The following CCDC32 variants were observed in gnomAD, a reference collection of about 807,000 sequenced individuals.
CCDC32 encodes coiled-coil domain-containing protein 32.
Under a neutral mutation model 20.1 loss-of-function variants are expected in CCDC32, and 9 were observed. That is an observed-to-expected ratio of 0.45 (90% CI 0.27 to 0.78). The LOEUF (loss-of-function observed/expected upper bound fraction) is 0.78, where lower values mean the gene tolerates loss of function less well. Among genes scored for constraint, CCDC32 ranks in the 30% least tolerant of loss-of-function variants. The pLI is 0.16. For missense variants in CCDC32, 204 were observed against 215.5 expected, an observed-to-expected ratio of 0.95 and a Z score of 0.33; for synonymous variants, 63 against 79.0, an observed-to-expected ratio of 0.80 and a Z score of 1.07.
At position 40,553,269 on chromosome 15, in the gene CCDC32, C is replaced by T. The variant is rs1247830620; in HGVS notation, c.*702G>A. On this transcript the variant is annotated 3_prime_UTR_variant, in exon 4 of 4. Transcript: ENST00000416810. ...TTACAAGTCTAATTTGGAACCTGGC[C>T]CTTTTTAAGTGCAGGAGGAAGTTGG... 4.1e-6 allele frequency: 4 copies of T among 985,240 alleles called. No individual in the cohort carries two copies. The highest frequency in any genetic ancestry group is 4.8e-6 in the Non-Finnish European group (4 of 829,930). The allele number at this position is 985,240 out of a possible 1,614,324, so 61.0% of individuals were successfully genotyped here. A position where few individuals can be genotyped will look rare whatever the true frequency, so the allele number is the denominator to read the frequency against.
rs527377715 is a variant in CCDC32, at chr15:40,546,193, C to CT, written c.402-6839dup. Among the ~76,000 whole-genome samples the CT allele has an allele frequency of 3.0e-3, 419 of 141,568 alleles. 2 individuals are homozygous for CT. Among genetic ancestry groups the CT allele is most frequent in the African/African-American group, 3.7e-3 (141 of 38,562 alleles). The allele number at this position is 141,568 out of a possible 152,430, so 92.9% of individuals were successfully genotyped here. A position where few individuals can be genotyped will look rare whatever the true frequency, so the allele number is the denominator to read the frequency against. On this transcript the variant is annotated intron_variant, in intron 3 of 3. Coordinates refer to the CCDC32 transcript ENST00000558113. ...TGACTTTATTTTTTCTTTTTCTTTCCTTTTTTTTTTTTTTCTGAGATAGGG... is the reference window on the plus strand; with the variant it reads ...TGACTTTATTTTTTCTTTTTCTTTCCTTTTTTTTTTTTTTTCTGAGATAGGG...
chr15:40,564,976 C>A lies in CCDC32; in HGVS notation c.-13G>T. The A allele has an allele frequency of 1.6e-6, 1 of 622,162 alleles. No individual in the cohort carries two copies. Among genetic ancestry groups the A allele is most frequent in the South Asian group, 2.0e-5 (1 of 50,442 alleles). 38.5% of individuals were successfully genotyped at this position (622,162 alleles called of 1,614,324 possible). A position where few individuals can be genotyped will look rare whatever the true frequency, so the allele number is the denominator to read the frequency against. On this transcript the variant is annotated splice_region_variant and 5_prime_UTR_variant, in exon 1 of 4. Transcript: ENST00000416810. ...GGCACCCCAGCCCCTCCTCACTTAC[C>A]GTAACAGCTGCCCAGTAAACGCTTG...
downstream of CCDC32, among the ~76,000 whole-genome samples, chr15:40,550,164 T>C (rs1023172867): frequency 6.6e-6 from 1 of 152,192 alleles, no homozygotes; most frequent in African/African-American, 2.4e-5. Context: ...AGCCCAGCCT[T>C]CTCTGGGTGT....
At chr15:40,562,311 T>G (rs897972983) in intron 2 of CCDC32, 2 of 154,710 alleles carry the variant, frequency 1.3e-5, no homozygotes, top group Non-Finnish European at 2.9e-5. Context: ...CGGCGGCTCA[T>G]GCCTGTAATC....
At position 40,553,820 on chromosome 15, in the gene CCDC32, T is replaced by C; in HGVS notation, c.*151A>G. On this transcript the variant is annotated 3_prime_UTR_variant, in exon 4 of 4. Transcript: ENST00000416810. ...GCTGTTTTCTTTGTGGAGTGGAAAT[T>C]TGGGTTTTTTCCTTCAGTGGATTTC... The C allele has an allele frequency of 5.7e-6, 8 of 1,395,512 alleles. No homozygotes were observed. Among genetic ancestry groups the C allele is most frequent in the Non-Finnish European group, 6.5e-6 (7 of 1,074,414 alleles). The allele number at this position is 1,395,512 out of a possible 1,614,324, so 86.4% of individuals were successfully genotyped here.
At chr15:40,550,343 C>T (rs1291696688), downstream of CCDC32, among the ~76,000 whole-genome samples, 1 of 152,232 alleles carries the variant, frequency 6.6e-6, no homozygotes, top group Non-Finnish European at 1.5e-5. Context: ...ACAAATCTTA[C>T]TAGGTTGAGG....
intron 3 of CCDC32, among the ~76,000 whole-genome samples, chr15:40,543,295 C>G (rs1310411827): frequency 6.6e-6 from 1 of 152,142 alleles, no homozygotes; most frequent in Admixed American, 6.5e-5. Flanking sequence ...ATGTTTTCCC[C>G]TAAAAACTTG....
intron 2 of CCDC32, among the ~76,000 whole-genome samples, chr15:40,558,637 C>T (rs1441776386): frequency 6.6e-6 from 1 of 152,050 alleles, no homozygotes; most frequent in Non-Finnish European, 1.5e-5. Flanking sequence ...GGCACTAACA[C>T]GTCCCTTCTG....
downstream of CCDC32, among the ~76,000 whole-genome samples, chr15:40,551,337 G>A (rs1360870841): frequency 6.6e-6 from 1 of 152,034 alleles, no homozygotes. Context: ...AGCCAAGATG[G>A]CGCCACTGCA....
At chr15:40,540,445 G>A (rs1047010181) in intron 3 of CCDC32, among the ~76,000 whole-genome samples, 1 of 148,168 alleles carries the variant, frequency 6.7e-6, no homozygotes, top group African/African-American at 2.5e-5. Flanking sequence ...TCGGCTCACT[G>A]CAACCTCCGC....
At chr15:40,532,822 G>T (rs1229480140), downstream of CCDC32, among the ~76,000 whole-genome samples, 2 of 146,190 alleles carry the variant, frequency 1.4e-5, no homozygotes, top group Non-Finnish European at 1.5e-5. Flanking sequence ...CCCGGGTTCA[G>T]TTGATCCTCC....
At chr15:40,539,486 G>A in intron 3 of CCDC32, 2 of 755,326 alleles carry the variant, frequency 2.6e-6, no homozygotes, top group Middle Eastern at 2.3e-4. Context: ...AGGAAGTGAG[G>A]TGTCGACACA....
At chr15:40,560,134 C>T (rs560853077) in intron 2 of CCDC32, among the ~76,000 whole-genome samples, 139 of 152,250 alleles carry the variant, frequency 9.1e-4, no homozygotes, top group African/African-American at 2.0e-3. Flanking sequence ...CTCAGCCTCC[C>T]GAGTAGCTGG....
At chr15:40,552,793 A>G (rs1284927314), downstream of CCDC32, 1 of 150,132 alleles carries the variant, frequency 6.7e-6, no homozygotes, top group Non-Finnish European at 1.5e-5. Flanking sequence ...AAAAAAAAAA[A>G]AAAAAGCAAA....
At chr15:40,537,933 G>A (rs1313388212), downstream of CCDC32, 3 of 152,310 alleles carry the variant, frequency 2.0e-5, no homozygotes, top group African/African-American at 7.2e-5. Context: ...CTGGGTGATA[G>A]AGTAAGACTC....
chr15:40,528,901 C>A lies in CCDC32; in HGVS notation c.402-111G>T, dbSNP rs376808341. The A allele has an allele frequency of 6.1e-5, 39 of 637,090 alleles. No individual in the cohort carries two copies. In the East Asian group the frequency reaches 8.2e-4, roughly 13 times the overall value. The allele number at this position is 637,090 out of a possible 1,614,324, so 39.5% of individuals were successfully genotyped here. ...TTCCAAGGACAGACTCGTGTCTAAC[C>A]ACCTCTGGCTCCAGCACGTGCTGAG... is the stretch of plus-strand genomic sequence containing the variant. On this transcript the variant is annotated intron_variant, in intron 3 of 3. Transcript: ENST00000560305.
At chr15:40,528,536 C>A, downstream of CCDC32, 2 of 543,330 alleles carry the variant, frequency 3.7e-6, no homozygotes, top group Admixed American at 7.0e-5. Flanking sequence ...GTGCTCAAGG[C>A]TTGTCCTGGT....
downstream of CCDC32, among the ~76,000 whole-genome samples, chr15:40,533,583 A>T (rs541620909): frequency 6.1e-4 from 93 of 152,074 alleles, no homozygotes; most frequent in African/African-American, 2.1e-3. Context: ...TGACCTTGTA[A>T]TCCACCCACC....
Position 40,553,219 on chromosome 15 carries a change from GTAGTGTCAAACACTAACACCA to G in CCDC32, c.*731_*751del. 1.0e-6 allele frequency: 1 copy of G among 985,418 alleles called. No individual in the cohort carries two copies. 61.0% of individuals were successfully genotyped at this position (985,418 alleles called of 1,614,324 possible). A position where few individuals can be genotyped will look rare whatever the true frequency, so the allele number is the denominator to read the frequency against. The stretch of plus-strand genomic sequence containing the variant: ...GGAAGATGTTTGGAACTATCCAGGA[GTAGTGTCAAACACTAACACCA>G]TATTTACAAGTCTAATTTGGAACCT... On this transcript the variant is annotated 3_prime_UTR_variant, in exon 4 of 4. Transcript: ENST00000416810.
Sources: gnomAD v4.1 joint callset for allele counts (sites outside exome capture counted in the v4.1 genomes callset) on GRCh38, gnomAD v4.1.1 for gene constraint, MANE v1.5 for transcripts, NCBI Gene and HGNC (gene_info 2026-07-23, HGNC 2026-07-21) for gene names.